The following DNAJC10 variants were observed in gnomAD, a reference collection of about 807,000 sequenced individuals.
DNAJC10 encodes the protein endoplasmic reticulum disulfide reductase DNAJC10.
DNAJC10 carries 101 observed loss-of-function variants against 115.0 expected under a neutral mutation model. That is an observed-to-expected ratio of 0.88 (90% confidence interval 0.75 to 1.04). DNAJC10 has a LOEUF of 1.04. Ranked by LOEUF, DNAJC10 falls within the 50% of genes least tolerant of loss-of-function variation. DNAJC10 has a pLI of 0.00. For synonymous variants in DNAJC10, 307 were observed against 301.5 expected, an observed-to-expected ratio of 1.02 and a Z score of -0.19; for missense variants, 981 against 928.8, an observed-to-expected ratio of 1.06 and a Z score of -0.73.
rs1197726424 is a variant in DNAJC10 at position 182,722,025 on chromosome 2, G to A, written c.368G>A (p.Gly123Asp). 4 of 1,497,316 alleles carry A rather than the reference G, an allele frequency of 2.7e-6. No individual in the cohort carries two copies. The highest frequency in any genetic ancestry group is 2.8e-5 in the African/African-American group (2 of 70,630). The allele number at this position is 1,497,316 out of a possible 1,614,324, so 92.8% of individuals were successfully genotyped here. ...AATTTTTATATACTTTTAAAATTAG[G>A]TATTTATGATGATGATCCTGAAATC... ...ESWNYYRYDFGIYDDDPEIIT... is the reference protein window; with the variant it reads ...ESWNYYRYDFDIYDDDPEIIT... The change falls in exon 5 of 24, where the codon GGT (glycine) becomes GAT (aspartate). Residue 123 changes from glycine to aspartate, a missense_variant and splice_region_variant. Transcript: ENST00000264065.
rs1392574797 is a variant in DNAJC10, at chr2:182,786,682, TGCCAAA to T, written c.*9556_*9561del. The stretch of plus-strand genomic sequence containing the variant: ...CCTTGTGTCCTTCAAACCCCATTCT[TGCCAAA>T]GCCAAGTTCTCTCCCTCCCTCTCAA... On this transcript the variant is annotated 3_prime_UTR_variant, in exon 24 of 24. Transcript: ENST00000264065. 6.6e-6 allele frequency: 1 copy of T among 152,286 alleles called. No homozygotes were observed. The highest frequency in any genetic ancestry group is 1.5e-5 in the Non-Finnish European group (1 of 68,096). 9.4% of individuals were successfully genotyped at this position (152,286 alleles called of 1,614,324 possible). A position where few individuals can be genotyped will look rare whatever the true frequency, so the allele number is the denominator to read the frequency against.
chr2:182,718,403 A>G lies in DNAJC10; in HGVS notation c.204+113A>G, dbSNP rs2118591. The G allele has an allele frequency of 0.56, 501,531 of 903,234 alleles. 145,695 individuals are homozygous for G. Among genetic ancestry groups the G allele is most frequent in the Middle Eastern group, 0.64 (1,825 of 2,836 alleles). 56.0% of individuals were successfully genotyped at this position (903,234 alleles called of 1,614,324 possible). ...TTAAGAATAATCATATGTCAAAATT[A>G]TAATTCAACTTGTATGCTAGAAACA... On this transcript the variant is annotated intron_variant, in intron 3 of 23. Coordinates refer to ENST00000264065, the MANE Select transcript of DNAJC10 (RefSeq NM_018981.4).
At chr2:182,724,688 TG>T (rs1693238108) in intron 5 of DNAJC10, among the ~76,000 whole-genome samples, 1 of 152,160 alleles carries the variant, frequency 6.6e-6, no homozygotes, top group South Asian at 2.1e-4. Flanking sequence ...TAACTGGAGT[TG>T]TATGTATATT....
chr2:182,781,851 A>G lies in DNAJC10; in HGVS notation c.*4719A>G, dbSNP rs1694854859. 1.3e-5 allele frequency: 2 copies of G among 152,164 alleles called. No homozygotes were observed. Among genetic ancestry groups the G allele is most frequent in the Admixed American group, 6.5e-5 (1 of 15,268 alleles). 9.4% of individuals were successfully genotyped at this position (152,164 alleles called of 1,614,324 possible). A position where few individuals can be genotyped will look rare whatever the true frequency, so the allele number is the denominator to read the frequency against. ...AAGTTCCTTGTAGATTCTGGATATTAGCCCTTTGTCAGATGGATAGATTGC... is the reference window on the plus strand; with the variant it reads ...AAGTTCCTTGTAGATTCTGGATATTGGCCCTTTGTCAGATGGATAGATTGC... On this transcript the variant is annotated 3_prime_UTR_variant, in exon 24 of 24. Coordinates refer to ENST00000264065, the MANE Select transcript of DNAJC10 (RefSeq NM_018981.4).
At chr2:182,737,523 A>G (rs1367088261) in intron 11 of DNAJC10, among the ~76,000 whole-genome samples, 1 of 152,180 alleles carries the variant, frequency 6.6e-6, no homozygotes, top group African/African-American at 2.4e-5. Context: ...TGTGCCAGCA[A>G]TTCTCTAGTT....
chr2:182,723,037 C>CTTTTTTT (rs372893280), intron 5 of DNAJC10, among the ~76,000 whole-genome samples: 5 of 105,780 alleles, frequency 4.7e-5, no homozygotes, highest in African/African-American at 1.1e-4. Context: ...GCAAGGGTGG[C>CTTTTTTT]TTTTTTTTTT....
intron 21 of DNAJC10, among the ~76,000 whole-genome samples, chr2:182,761,260 T>C (rs1694278367): frequency 6.6e-6 from 1 of 152,182 alleles, no homozygotes; most frequent in African/African-American, 2.4e-5. Context: ...GAAGGATGTT[T>C]AGAGCACCAG....
chr2:182,738,606 T>A (rs1693646196), intron 11 of DNAJC10, among the ~76,000 whole-genome samples: 1 of 151,654 alleles, frequency 6.6e-6, no homozygotes, highest in East Asian at 1.9e-4. Flanking sequence ...AGTGGTGCGA[T>A]CTCCACTCAC....
In DNAJC10 at chr2:182,777,497, G is replaced by C. The variant is rs933660644; in HGVS notation, c.*365G>C. 1 of 159,152 alleles carries C rather than the reference G, an allele frequency of 6.3e-6. No individual in the cohort carries two copies. The highest frequency in any genetic ancestry group is 1.4e-5 in the Non-Finnish European group (1 of 72,794). 9.9% of individuals were successfully genotyped at this position (159,152 alleles called of 1,614,324 possible). ...GGATTCAGTCCATGGACCATAGATT[G>C]CTGTCCCCCTCGACGGACTTATAAT... On this transcript the variant is annotated 3_prime_UTR_variant, in exon 24 of 24. Coordinates refer to ENST00000264065, the MANE Select transcript of DNAJC10 (RefSeq NM_018981.4).
At position 182,782,092 on chromosome 2, in the gene DNAJC10, A is replaced by G. The variant is rs1053917510; in HGVS notation, c.*4960A>G. On this transcript the variant is annotated 3_prime_UTR_variant, in exon 24 of 24. Transcript: ENST00000264065. ...TTTTATGGTTTCAGACCTTACATTT[A>G]AGTCTTTAATCTATCAACTTAATTT... is the stretch of plus-strand genomic sequence containing the variant. 2.6e-5 allele frequency: 4 copies of G among 152,136 alleles called. No homozygotes were observed. Among genetic ancestry groups the G allele is most frequent in the African/African-American group, 9.7e-5 (4 of 41,434 alleles). 9.4% of individuals were successfully genotyped at this position (152,136 alleles called of 1,614,324 possible).
intron 18 of DNAJC10, among the ~76,000 whole-genome samples, chr2:182,757,102 A>C (rs776142123): frequency 2.5e-4 from 38 of 152,206 alleles, no homozygotes; most frequent in Admixed American, 2.4e-3. Context: ...AGCTTTCAGC[A>C]TGTGTATTTA....
chr2:182,740,972 T>C (rs1425634400), intron 12 of DNAJC10, among the ~76,000 whole-genome samples: 1 of 152,194 alleles, frequency 6.6e-6, no homozygotes, highest in Non-Finnish European at 1.5e-5. Context: ...ACTTTTTAGC[T>C]ATATGCTGTT....
intron 10 of DNAJC10, among the ~76,000 whole-genome samples, chr2:182,733,139 G>A (rs781157990): frequency 1.1e-4 from 16 of 151,920 alleles, no homozygotes; most frequent in Non-Finnish European, 2.1e-4. Context: ...TAAGAGGGAT[G>A]TATTAAAATC....
At chr2:182,733,705 G>A (rs1406820923) in intron 10 of DNAJC10, among the ~76,000 whole-genome samples, 2 of 61,500 alleles carry the variant, frequency 3.3e-5, no homozygotes, top group Non-Finnish European at 7.3e-5. Flanking sequence ...TTTTTTTTTG[G>A]TAGAATTTAT....
intron 14 of DNAJC10, 96 bp downstream of exon 14, chr2:182,743,808 C>T (rs745443606): frequency 6.3e-6 from 5 of 798,620 alleles, no homozygotes; most frequent in Non-Finnish European, 1.0e-5. Flanking sequence ...TACGGACATG[C>T]TTATTGTAAA....
intron 22 of DNAJC10, among the ~76,000 whole-genome samples, chr2:182,773,036 T>G (rs563398767): frequency 2.0e-4 from 30 of 152,336 alleles, no homozygotes; most frequent in African/African-American, 7.2e-4. Flanking sequence ...GAAGGCCTGG[T>G]GGTGACAAAA....
chr2:182,750,060 A>G (rs1199706420), intron 14 of DNAJC10, among the ~76,000 whole-genome samples: 1 of 152,158 alleles, frequency 6.6e-6, no homozygotes, highest in Middle Eastern at 3.2e-3. Flanking sequence ...CTGTGATAGT[A>G]ACAGAGATGA....
chr2:182,738,906 G>A (rs1410725043), intron 11 of DNAJC10, among the ~76,000 whole-genome samples: 1 of 152,072 alleles, frequency 6.6e-6, no homozygotes, highest in East Asian at 1.9e-4. Context: ...GGAATTCAGA[G>A]GCTAGATAAG....
intron 13 of DNAJC10, among the ~76,000 whole-genome samples, chr2:182,741,581 T>A (rs941313281): frequency 6.6e-6 from 1 of 152,284 alleles, no homozygotes; most frequent in Admixed American, 6.5e-5. Flanking sequence ...GATAAACCTG[T>A]ATCATACAAT....
Sources: allele counts gnomAD v4.1 joint callset (sites outside exome capture counted in the v4.1 genomes callset), GRCh38; gene constraint gnomAD v4.1.1; transcripts MANE v1.5; gene names NCBI Gene and HGNC (gene_info 2026-07-23, HGNC 2026-07-21).